The following HPSE2 variants were observed in gnomAD, a reference collection of about 807,000 sequenced individuals.
HPSE2 encodes heparanase 2 (inactive), also known as inactive heparanase-2.
Under a neutral mutation model 60.5 loss-of-function variants are expected in HPSE2, and 38 were observed. That is an observed-to-expected ratio of 0.63 (90% CI 0.48 to 0.82). HPSE2 has a LOEUF of 0.82. Ranked by LOEUF, HPSE2 falls within the 40% of genes least tolerant of loss-of-function variation. HPSE2 has a pLI of 0.00. For synonymous variants in HPSE2, 295 were observed against 293.2 expected (o/e 1.01, Z -0.06); for missense variants, 713 against 740.4 (o/e 0.96, Z 0.43).
chr10:99,130,149 CAA>C (rs960463016), intron 3 of HPSE2, among the ~76,000 whole-genome samples: 1 of 144,708 alleles, frequency 6.9e-6, no homozygotes, highest in African/African-American at 2.5e-5. Flanking sequence ...AAATTGCCAA[CAA>C]AAAAAAAAGT....
At chr10:99,192,556 C>A (rs1848258188) in intron 2 of HPSE2, among the ~76,000 whole-genome samples, 3 of 152,178 alleles carry the variant, frequency 2.0e-5, no homozygotes, top group Non-Finnish European at 4.4e-5. Context: ...CCCACCTCAG[C>A]CTCCCAAATA....
At chr10:98,636,972 G>A (rs919207774) in intron 7 of HPSE2, among the ~76,000 whole-genome samples, 1 of 152,176 alleles carries the variant, frequency 6.6e-6, no homozygotes, top group Admixed American at 6.5e-5. Flanking sequence ...ACTGTGTCCT[G>A]AACTTTCTCA....
intron 3 of HPSE2, among the ~76,000 whole-genome samples, chr10:98,875,477 G>C (rs1234819673): frequency 6.6e-6 from 1 of 151,800 alleles, no homozygotes; most frequent in Non-Finnish European, 1.5e-5. Context: ...ACTAAACCAG[G>C]AAGAAGTCGA....
At chr10:99,043,079 G>A (rs2135479767) in intron 3 of HPSE2, among the ~76,000 whole-genome samples, 1 of 152,236 alleles carries the variant, frequency 6.6e-6, no homozygotes, top group South Asian at 2.1e-4. Context: ...CACAGTTAAA[G>A]GGACACCGAC....
At chr10:98,902,846 G>A (rs571416308) in intron 3 of HPSE2, among the ~76,000 whole-genome samples, 1 of 152,164 alleles carries the variant, frequency 6.6e-6, no homozygotes, top group African/African-American at 2.4e-5. Flanking sequence ...CAGATTAATG[G>A]GTGGATAGAT....
intron 2 of HPSE2, among the ~76,000 whole-genome samples, chr10:99,202,925 G>A (rs757437098): frequency 6.6e-6 from 1 of 151,826 alleles, no homozygotes. Flanking sequence ...ACATCATGGA[G>A]AGAGAAGGAA....
At chr10:98,573,370 A>C (rs1301713795) in intron 9 of HPSE2, among the ~76,000 whole-genome samples, 1 of 152,112 alleles carries the variant, frequency 6.6e-6, no homozygotes, top group Non-Finnish European at 1.5e-5. Context: ...GGTAAGCCTG[A>C]CTCTTGAGGC....
intron 3 of HPSE2, among the ~76,000 whole-genome samples, chr10:99,055,825 G>A (rs765381355): frequency 9.2e-5 from 14 of 152,190 alleles, no homozygotes; most frequent in Non-Finnish European, 1.8e-4. Flanking sequence ...CCAGAACAGT[G>A]TTTGAAGAAG....
At chr10:99,071,069 CTTTT>C (rs35699449) in intron 3 of HPSE2, among the ~76,000 whole-genome samples, 4 of 132,580 alleles carry the variant, frequency 3.0e-5, no homozygotes, top group Non-Finnish European at 3.3e-5. Flanking sequence ...ATTTTTAATT[CTTTT>C]TTTTTTTTTT....
At chr10:98,866,360 A>G (rs1952587582) in intron 3 of HPSE2, among the ~76,000 whole-genome samples, 2 of 152,112 alleles carry the variant, frequency 1.3e-5, no homozygotes, top group Admixed American at 1.3e-4. Context: ...TGAAAAGAGC[A>G]TCAGTCAGCT....
chr10:98,666,052 A>G (rs1035007991), intron 6 of HPSE2, among the ~76,000 whole-genome samples: 3 of 152,202 alleles, frequency 2.0e-5, no homozygotes, highest in African/African-American at 7.2e-5. Context: ...CTCACATGTA[A>G]TAACATCCAC....
chr10:99,235,999 C>CTT (rs371950895), upstream of HPSE2: 237 of 350,552 alleles, frequency 6.8e-4, no homozygotes, highest in Non-Finnish European at 8.6e-4. Flanking sequence ...TTGTTTTTTT[C>CTT]TTTTTTTTTT....
At chr10:98,848,142 G>A (rs780970979) in intron 3 of HPSE2, among the ~76,000 whole-genome samples, 1 of 152,200 alleles carries the variant, frequency 6.6e-6, no homozygotes, top group Non-Finnish European at 1.5e-5. Flanking sequence ...GAAGAGCCAG[G>A]TGTGGTGGCT....
chr10:98,732,564 G>A (rs192619587), intron 4 of HPSE2, among the ~76,000 whole-genome samples: 1 of 152,108 alleles, frequency 6.6e-6, no homozygotes, highest in Admixed American at 6.5e-5. Context: ...ATGGTACTGG[G>A]AATCTCTATA....
chr10:99,029,122 C>T (rs1356271730), intron 3 of HPSE2, among the ~76,000 whole-genome samples: 2 of 152,028 alleles, frequency 1.3e-5, no homozygotes, highest in East Asian at 1.9e-4. Flanking sequence ...AAAGAAGAAA[C>T]GGACAAATGG....
At chr10:98,628,032 A>G (rs193295153) in intron 7 of HPSE2, among the ~76,000 whole-genome samples, 1 of 152,382 alleles carries the variant, frequency 6.6e-6, no homozygotes, top group Non-Finnish European at 1.5e-5. Flanking sequence ...ACAGTGAGGA[A>G]CAACTTTGAT....
At chr10:98,524,611 G>A (rs1343880155) in intron 9 of HPSE2, among the ~76,000 whole-genome samples, 1 of 152,190 alleles carries the variant, frequency 6.6e-6, no homozygotes, top group East Asian at 1.9e-4. Flanking sequence ...GCAACTAGTT[G>A]TTCTTTTTTC....
chr10:99,249,783 T>C, the HPSE2 span, among the ~76,000 whole-genome samples: 2 of 152,144 alleles, frequency 1.3e-5, no homozygotes, highest in African/African-American at 4.8e-5. Flanking sequence ...GATTGGATCA[T>C]GGGGGTGGAT....
the HPSE2 span, among the ~76,000 whole-genome samples, chr10:99,276,256 C>T: frequency 1.2e-4 from 19 of 152,198 alleles, no homozygotes; most frequent in African/African-American, 4.6e-4. Flanking sequence ...CTCGGTGCTT[C>T]ATATACATTT....
Sources: allele counts gnomAD v4.1 joint callset (sites outside exome capture counted in the v4.1 genomes callset), GRCh38; gene constraint gnomAD v4.1.1; transcripts MANE v1.5; gene names NCBI Gene and HGNC (gene_info 2026-07-23, HGNC 2026-07-21).